The following CHST8 variants were observed in gnomAD, a reference collection of about 807,000 sequenced individuals.
CHST8 encodes GALNAC-4-ST1.
In CHST8, 10 loss-of-function variants were observed where a neutral mutation model predicts 15.0. The observed-to-expected ratio is 0.67, with a 90% CI of 0.41 to 1.13. The LOEUF is 1.13. Ranked by LOEUF, CHST8 falls within the 50% of genes most tolerant of loss-of-function variation. The pLI, the probability that CHST8 is intolerant of heterozygous loss-of-function variation, is 0.00. For synonymous variants in CHST8, 259 were observed against 256.6 expected, an observed-to-expected ratio of 1.01 and a Z score of -0.09; for missense variants, 634 against 608.2, an observed-to-expected ratio of 1.04 and a Z score of -0.45.
At chr19:33,686,326 G>A (rs1972979840) in intron 2 of CHST8, among the ~76,000 whole-genome samples, 1 of 152,170 alleles carries the variant, frequency 6.6e-6, no homozygotes, top group African/African-American at 2.4e-5. Context: ...GCACATGGGT[G>A]GCTGGAGCCA....
At chr19:33,639,060 C>G (rs1369244759) in intron 1 of CHST8, among the ~76,000 whole-genome samples, 1 of 141,328 alleles carries the variant, frequency 7.1e-6, no homozygotes, top group Non-Finnish European at 1.5e-5. Flanking sequence ...TCTCTCCAGT[C>G]CTAGCACACA....
intron 3 of CHST8, among the ~76,000 whole-genome samples, chr19:33,752,995 C>T (rs949819647): frequency 4.6e-5 from 7 of 152,294 alleles, no homozygotes; most frequent in African/African-American, 1.2e-4. Context: ...AGATTGCTTT[C>T]AGCGTTCGGT....
At chr19:33,673,555 A>T (rs1266450916) in intron 2 of CHST8, among the ~76,000 whole-genome samples, 35 of 151,574 alleles carry the variant, frequency 2.3e-4, no homozygotes, top group Admixed American at 2.3e-3. Context: ...CAAGTGTGGC[A>T]CTCCTTGCAC....
intron 2 of CHST8, among the ~76,000 whole-genome samples, chr19:33,677,286 A>G (rs4805053): frequency 0.33 from 49,539 of 151,830 alleles, 9,693 homozygotes; most frequent in African/African-American, 0.53. Context: ...CAGATGCCAC[A>G]GAGCCCCACG....
At chr19:33,742,517 A>G (rs759361952) in intron 3 of CHST8, among the ~76,000 whole-genome samples, 1 of 152,170 alleles carries the variant, frequency 6.6e-6, no homozygotes, top group African/African-American at 2.4e-5. Flanking sequence ...GCTCATTACC[A>G]TGGGGAGGGC....
intron 3 of CHST8, among the ~76,000 whole-genome samples, chr19:33,735,969 T>A (rs933598183): frequency 6.6e-6 from 1 of 152,232 alleles, no homozygotes; most frequent in African/African-American, 2.4e-5. Flanking sequence ...CACCTGGCAA[T>A]GTCCTTACAA....
intron 1 of CHST8, among the ~76,000 whole-genome samples, chr19:33,644,388 C>T (rs1020518275): frequency 2.8e-4 from 42 of 152,010 alleles, no homozygotes. Flanking sequence ...AATCCCAGCC[C>T]CCATGGAGTC....
intron 3 of CHST8, among the ~76,000 whole-genome samples, chr19:33,750,853 G>A (rs1020905674): frequency 4.6e-5 from 7 of 151,776 alleles, no homozygotes; most frequent in African/African-American, 7.3e-5. Flanking sequence ...CTCCAGGCTC[G>A]GTCCAGGCTC....
chr19:33,712,991 C>A (rs1973588983), intron 3 of CHST8, among the ~76,000 whole-genome samples: 1 of 152,158 alleles, frequency 6.6e-6, no homozygotes, highest in Non-Finnish European at 1.5e-5. Flanking sequence ...TGGAGGCTGG[C>A]CAACCCATGT....
intron 2 of CHST8, among the ~76,000 whole-genome samples, chr19:33,679,412 A>C (rs1972856418): frequency 6.6e-6 from 1 of 152,178 alleles, no homozygotes; most frequent in Non-Finnish European, 1.5e-5. Context: ...GGGAACTTTT[A>C]ACCCAAATAA....
At chr19:33,648,573 A>G (rs530739000) in intron 1 of CHST8, among the ~76,000 whole-genome samples, 1 of 152,288 alleles carries the variant, frequency 6.6e-6, no homozygotes, top group South Asian at 2.1e-4. Context: ...AAAAAATAAA[A>G]AATTAAAAAA....
Position 33,773,062 on chromosome 19 carries a change from G to T in CHST8, c.1274G>T (p.Ter425LeuextTer74). 6.3e-7 allele frequency: 1 copy of T among 1,589,168 alleles called. No homozygotes were observed. Among genetic ancestry groups the T allele is most frequent in the Non-Finnish European group, 8.6e-7 (1 of 1,169,300 alleles). Reference sequence around the variant, plus strand: ...TCCAAGCCCTTTGCAGATCTGTACTGAGGGGCGCCGCAGCTGGCCGGGGCC... The same window carrying T: ...TCCAAGCCCTTTGCAGATCTGTACTTAGGGGCGCCGCAGCTGGCCGGGGCC... ...NYSKPFADLY[*>L] Residue 425 changes from the stop codon to leucine, a stop_lost, in exon 5 of 5, where the codon TGA (stop) becomes TTA (leucine). Coordinates refer to ENST00000650847, the MANE Select transcript of CHST8 (RefSeq NM_001127895.2).
At chr19:33,672,693 G>A (rs777657259) in intron 2 of CHST8, among the ~76,000 whole-genome samples, 2 of 152,146 alleles carry the variant, frequency 1.3e-5, no homozygotes, top group Non-Finnish European at 2.9e-5. Context: ...AGAGTGTTGG[G>A]GAACGATGAG....
intron 3 of CHST8, among the ~76,000 whole-genome samples, chr19:33,745,213 T>G (rs1378013938): frequency 1.3e-5 from 2 of 152,230 alleles, no homozygotes; most frequent in African/African-American, 4.8e-5. Flanking sequence ...AGACCTGTCC[T>G]CTTGCTGGAG....
At chr19:33,696,401 T>G (rs1477338103) in intron 3 of CHST8, among the ~76,000 whole-genome samples, 1 of 152,036 alleles carries the variant, frequency 6.6e-6, no homozygotes, top group Admixed American at 6.6e-5. Flanking sequence ...GAGCTCGGCC[T>G]ACTGTCAGAT....
At position 33,672,877 on chromosome 19, in the gene CHST8, T is replaced by A. The variant is rs563389802; in HGVS notation, c.-87+5034T>A. Among the ~76,000 whole-genome samples, 9 of 152,144 alleles carry A rather than the reference T, an allele frequency of 5.9e-5. No individual in the cohort carries two copies. In the East Asian group the frequency reaches 1.7e-3, roughly 29 times the overall value. ...GCCGCCAAGAAAGAAGAGGCCTGAA[T>A]GGGGAAGGGCTGAGTTCAGGGACCT... On this transcript the variant is annotated intron_variant, in intron 2 of 4. Coordinates refer to ENST00000650847, the MANE Select transcript of CHST8 (RefSeq NM_001127895.2).
rs562658852 is a variant in CHST8 at position 33,722,649 on chromosome 19, G to A, written c.130+33258G>A. ...TCCCTGGGGCTGGGCATTCTCAATT[G>A]GTAACACGAACCTGGAGGGGATGTG... On this transcript the variant is annotated intron_variant, in intron 3 of 4. Transcript: ENST00000650847. Among the ~76,000 whole-genome samples the A allele has an allele frequency of 2.6e-5, 4 of 152,220 alleles. No homozygotes were observed. The South Asian group carries it at 8.3e-4, about 32-fold the overall frequency.
In CHST8 at chr19:33,713,050, G is replaced by A. The variant is rs139041387; in HGVS notation, c.130+23659G>A. Reference sequence around the variant, plus strand: ...CTGGGCATCGTTGATGAGGTGCTGAGCCCAGCATCGGGTGGCTGGCACTCA... The same window carrying A: ...CTGGGCATCGTTGATGAGGTGCTGAACCCAGCATCGGGTGGCTGGCACTCA... On this transcript the variant is annotated intron_variant, in intron 3 of 4. Transcript: ENST00000650847. Among the ~76,000 whole-genome samples the A allele has an allele frequency of 2.7e-3, 416 of 152,240 alleles. 3 individuals carry two copies. Among genetic ancestry groups the A allele is most frequent in the African/African-American group, 9.4e-3 (392 of 41,560 alleles).
At chr19:33,729,391 G>T (rs867237197) in intron 3 of CHST8, among the ~76,000 whole-genome samples, 2 of 152,246 alleles carry the variant, frequency 1.3e-5, no homozygotes, top group Admixed American at 6.5e-5. Flanking sequence ...TTCTTTCAGC[G>T]TGAGCAAGCC....
Sources: gnomAD v4.1 joint callset for allele counts (sites outside exome capture counted in the v4.1 genomes callset) on GRCh38, gnomAD v4.1.1 for gene constraint, MANE v1.5 for transcripts, NCBI Gene and HGNC (gene_info 2026-07-23, HGNC 2026-07-21) for gene names.